NHSL1: variants seen among roughly 807,000 people sequenced by gnomAD.
The protein encoded by NHSL1 is NHS-like protein 1.
Under a neutral mutation model 95.0 loss-of-function variants are expected in NHSL1, and 48 were observed. The ratio of observed to expected loss-of-function variants is 0.51; its 90% CI spans 0.40 to 0.64. The LOEUF (loss-of-function observed/expected upper bound fraction) is 0.64. NHSL1 is among the 30% of genes least tolerant of loss of function. NHSL1 has a pLI of 0.00. For missense variants in NHSL1, 1,971 were observed against 2,077.7 expected (o/e 0.95, Z 1.00); for synonymous variants, 783 against 833.9 (o/e 0.94, Z 1.05).
At chr6:138,446,881 A>T in intron 4 of NHSL1, 120 bp downstream of exon 4, 1 of 840,260 alleles carries the variant, frequency 1.2e-6, no homozygotes, top group South Asian at 1.7e-5. Flanking sequence ...AACAAAGAGC[A>T]TGAAGTTGGA....
At position 138,424,366 on chromosome 6, in the gene NHSL1, G is replaced by A. The variant is rs1224844997; in HGVS notation, c.4536C>T (p.Ser1512=). ...GGCTGCTCTGGATCCGGTTCCGCAT[G>A]CTGTACCTGCTGCTGGCGGCAGAAG... ...TPPSAASSRY[S]MRNRIQSSPM... Residue 1512 remains serine, a synonymous_variant, in exon 8 of 8, where the codon AGC becomes AGT. Coordinates refer to ENST00000343505, the MANE Select transcript of NHSL1 (RefSeq NM_001144060.2). The surrounding 1 kb of genome is among the most constrained non-coding windows in gnomAD (Gnocchi z 5.9). 6.5e-7 allele frequency: 1 copy of A among 1,549,168 alleles called. No individual in the cohort carries two copies. Among genetic ancestry groups the A allele is most frequent in the South Asian group, 1.2e-5 (1 of 83,896 alleles).
At chr6:138,577,271 G>C (rs1405747150), upstream of NHSL1, among the ~76,000 whole-genome samples, 1 of 152,170 alleles carries the variant, frequency 6.6e-6, no homozygotes, top group Non-Finnish European at 1.5e-5. Context: ...TGCTCTACTC[G>C]CCATCTGTGT....
At chr6:138,629,008 C>T (rs895075928) in intron 1 of NHSL1, among the ~76,000 whole-genome samples, 8 of 152,352 alleles carry the variant, frequency 5.3e-5, no homozygotes, top group Admixed American at 4.6e-4. Flanking sequence ...TGGTGCTCAA[C>T]TACTTTCAGT....
upstream of NHSL1, among the ~76,000 whole-genome samples, chr6:138,548,412 C>G (rs1782886022): frequency 6.6e-6 from 1 of 152,230 alleles, no homozygotes; most frequent in African/African-American, 2.4e-5. Flanking sequence ...CTGTGGCCCA[C>G]ATGCAGCCCA....
chr6:138,608,506 T>C (rs1312859062), intron 1 of NHSL1, among the ~76,000 whole-genome samples: 1 of 152,244 alleles, frequency 6.6e-6, no homozygotes, highest in South Asian at 2.1e-4. Flanking sequence ...TAATTCCTGC[T>C]TTCTCTATAA....
At chr6:138,624,088 T>C (rs568779119) in intron 1 of NHSL1, among the ~76,000 whole-genome samples, 3 of 152,108 alleles carry the variant, frequency 2.0e-5, no homozygotes, top group South Asian at 4.1e-4. Flanking sequence ...TTCATAACAG[T>C]GTGAGAACAA....
chr6:138,475,763 T>C (rs1779031569), intron 2 of NHSL1, among the ~76,000 whole-genome samples: 2 of 151,444 alleles, frequency 1.3e-5, no homozygotes, highest in Non-Finnish European at 1.5e-5. Context: ...CTGGGCAACA[T>C]GGCAAAACCC....
At chr6:138,649,454 T>G (rs189583153) in intron 1 of NHSL1, among the ~76,000 whole-genome samples, 1 of 151,686 alleles carries the variant, frequency 6.6e-6, no homozygotes, top group African/African-American at 2.4e-5. Context: ...AATTCTATTT[T>G]TTTTTTCTTT....
rs561402534 is a variant in NHSL1 at position 138,634,298 on chromosome 6, G to A, written c.96+58178C>T. Among the ~76,000 whole-genome samples, 11 of 150,976 alleles carry A rather than the reference G, an allele frequency of 7.3e-5. No homozygotes were observed. In the East Asian group the frequency reaches 7.8e-4, roughly 11 times the overall value. ...GGATAAAAAACAAGACTCAATAATCGGTTGCCTCCAAGAAACACAATTCAC... is the reference window on the plus strand; with the variant it reads ...GGATAAAAAACAAGACTCAATAATCAGTTGCCTCCAAGAAACACAATTCAC... On this transcript the variant is annotated intron_variant, in intron 1 of 3. Transcript: ENST00000491526.
At chr6:138,474,862 T>G (rs753141342) in intron 2 of NHSL1, among the ~76,000 whole-genome samples, 2 of 152,204 alleles carry the variant, frequency 1.3e-5, no homozygotes, top group Non-Finnish European at 2.9e-5. Context: ...GAAACTATAT[T>G]CTCAGGCTGG....
chr6:138,651,799 A>T (rs1321128824), intron 1 of NHSL1, among the ~76,000 whole-genome samples: 1 of 152,226 alleles, frequency 6.6e-6, no homozygotes, highest in East Asian at 1.9e-4. Context: ...AAATCACAAT[A>T]GGTATCAGAT....
At chr6:138,455,522 G>GAA (rs71009585) in intron 3 of NHSL1, among the ~76,000 whole-genome samples, 6 of 78,636 alleles carry the variant, frequency 7.6e-5, no homozygotes, top group African/African-American at 3.1e-4. Flanking sequence ...CTCCCTGCAA[G>GAA]GAGCCCCGCC....
chr6:138,482,981 G>C (rs1583276595), intron 2 of NHSL1, among the ~76,000 whole-genome samples: 1 of 152,228 alleles, frequency 6.6e-6, no homozygotes, highest in African/African-American at 2.4e-5. Flanking sequence ...ATCTGATTCA[G>C]TAGGTCTGGG....
At chr6:138,468,776 A>AG (rs1778559483) in intron 3 of NHSL1, among the ~76,000 whole-genome samples, 1 of 152,154 alleles carries the variant, frequency 6.6e-6, no homozygotes, top group Admixed American at 6.6e-5. Flanking sequence ...ATACCCTATG[A>AG]TATTTGTACA....
chr6:138,501,642 C>T (rs1457703921), upstream of NHSL1, among the ~76,000 whole-genome samples: 1 of 152,154 alleles, frequency 6.6e-6, no homozygotes, highest in Non-Finnish European at 1.5e-5. Flanking sequence ...GTGCTCTTTC[C>T]TCTCAGAAAA....
chr6:138,571,774 C>T (rs1409878198), exon 1 of NHSL1: 17 of 1,552,166 alleles, frequency 1.1e-5, no homozygotes, highest in Non-Finnish European at 1.4e-5. Context: ...GCCCACAAAC[C>T]GAGAGCTCTC....
rs531955796 is a variant in NHSL1, at chr6:138,507,064, C to A, written c.17-10693G>T. ...TCTAAATCTTAGATATTTGAACCTT[C>A]TATCTTTCTTTGTCAGTTTTAACTC... On this transcript the variant is annotated intron_variant, in intron 1 of 4. Coordinates refer to the NHSL1 transcript ENST00000342260. Among the ~76,000 whole-genome samples, 3 of 152,306 alleles carry A rather than the reference C, an allele frequency of 2.0e-5. No homozygotes were observed. In the South Asian group the frequency reaches 6.2e-4, roughly 32 times the overall value.
chr6:138,429,778 C>G lies in NHSL1; in HGVS notation c.4018G>C (p.Gly1340Arg). 6.4e-7 allele frequency: 1 copy of G among 1,551,830 alleles called. No homozygotes were observed. The highest frequency in any genetic ancestry group is 1.2e-5 in the South Asian group (1 of 84,066). The change falls in exon 7 of 8, where the codon GGG becomes CGG. Residue 1340 changes from glycine (G) to arginine (R), a missense_variant. Physicochemically the swap from Gly to Arg is moderately radical, Grantham distance 125. Around this residue, in one of 3 missense-constraint regions of NHSL1, gnomAD observed 146 missense variants for 206.3 expected, o/e 0.71. Coordinates refer to ENST00000343505, the MANE Select transcript of NHSL1 (RefSeq NM_001144060.2). ...CTGGGGGTCATTACCTCATCATTCC[C>G]GTCTTCCTTGAGGAAGTCACAGGCC... ...SEACDFLKED[G>R]NDEVMTPSRP...
intron 3 of NHSL1, among the ~76,000 whole-genome samples, chr6:138,463,787 A>C (rs1338350964): frequency 6.6e-6 from 1 of 151,910 alleles, no homozygotes; most frequent in Non-Finnish European, 1.5e-5. Context: ...TGACGTTCTT[A>C]TATGTCACTC....
Sources: gnomAD v4.1 joint callset for allele counts (sites outside exome capture counted in the v4.1 genomes callset) on GRCh38, gnomAD v4.1.1 for gene constraint, gnomAD v4.1.1 regional missense constraint, Gnocchi (gnomAD v3.1) non-coding constraint, MANE v1.5 for transcripts, NCBI Gene and HGNC (gene_info 2026-07-23, HGNC 2026-07-21) for gene names.